The following TTLL7 variants were observed in gnomAD, a reference collection of about 807,000 sequenced individuals.
TTLL7 encodes tubulin tyrosine ligase like 7.
Under a neutral mutation model 120.2 loss-of-function variants are expected in TTLL7, and 53 were observed. The ratio of observed to expected loss-of-function variants is 0.44; its 90% CI spans 0.35 to 0.55. The LOEUF is 0.55. TTLL7 is among the 20% of genes least tolerant of loss of function. The pLI, the probability that TTLL7 is intolerant of heterozygous loss-of-function variation, is 0.00. For missense variants in TTLL7, 803 were observed against 1,054.7 expected (o/e 0.76, Z 3.31); for synonymous variants, 353 against 351.7 (o/e 1.00, Z -0.04).
chr1:83,892,667 T>C (rs1382228023), intron 18 of TTLL7, among the ~76,000 whole-genome samples: 5 of 147,534 alleles, frequency 3.4e-5, no homozygotes, highest in Admixed American at 2.0e-4. Context: ...AATGAACATA[T>C]ATATGAACAT....
At chr1:83,898,680 A>C (rs947703171) in intron 18 of TTLL7, among the ~76,000 whole-genome samples, 1 of 151,908 alleles carries the variant, frequency 6.6e-6, no homozygotes, top group African/African-American at 2.4e-5. Flanking sequence ...TTTACCTCTG[A>C]TTTTATCAGA....
Position 83,952,248 on chromosome 1 carries a change from T to A in TTLL7, c.-37A>T, listed in dbSNP as rs1479366646. 6.2e-7 allele frequency: 1 copy of A among 1,612,466 alleles called. No individual in the cohort carries two copies. The highest frequency in any genetic ancestry group is 8.5e-7 in the Non-Finnish European group (1 of 1,179,232). ...CTGATTAGCAAGCAGTGTGTGCTGC[T>A]GTACCAAGCTCTCAGGAAATCTGGA... On this transcript the variant is annotated 5_prime_UTR_variant, in exon 2 of 21. Transcript: ENST00000260505.
intron 10 of TTLL7, among the ~76,000 whole-genome samples, chr1:83,924,232 G>A (rs1180826511): frequency 6.6e-6 from 1 of 152,186 alleles, no homozygotes; most frequent in Non-Finnish European, 1.5e-5. Context: ...TATTTGAAAT[G>A]TGGGGGGAAG....
intron 10 of TTLL7, among the ~76,000 whole-genome samples, chr1:83,925,610 A>C (rs1659043341): frequency 6.6e-6 from 1 of 152,190 alleles, no homozygotes; most frequent in Non-Finnish European, 1.5e-5. Flanking sequence ...GATTCAGTCG[A>C]TTCATAATAA....
intron 1 of TTLL7, among the ~76,000 whole-genome samples, chr1:83,978,032 AT>A (rs1257845292): frequency 6.6e-6 from 1 of 152,088 alleles, no homozygotes; most frequent in Non-Finnish European, 1.5e-5. Flanking sequence ...TTTAATAAGA[AT>A]TTCTTTTAAT....
intron 18 of TTLL7, among the ~76,000 whole-genome samples, chr1:83,896,136 A>G (rs1321597151): frequency 1.3e-5 from 2 of 152,098 alleles, no homozygotes; most frequent in Non-Finnish European, 1.5e-5. Context: ...TGGAAGATGA[A>G]TAATTCGTGA....
At chr1:83,997,786 G>C (rs1236630878) in intron 1 of TTLL7, among the ~76,000 whole-genome samples, 1 of 152,172 alleles carries the variant, frequency 6.6e-6, no homozygotes, top group Admixed American at 6.5e-5. Context: ...AAGATTTCCA[G>C]AGTTCTTCTT....
intron 1 of TTLL7, among the ~76,000 whole-genome samples, chr1:83,973,153 GATC>G (rs1651148228): frequency 6.6e-6 from 1 of 151,962 alleles, no homozygotes; most frequent in Admixed American, 6.6e-5. Context: ...CCATACCCAA[GATC>G]ATCTAAGTTT....
chr1:83,961,639 T>A (rs180788847), intron 1 of TTLL7, among the ~76,000 whole-genome samples: 1 of 152,254 alleles, frequency 6.6e-6, no homozygotes. Flanking sequence ...AAATAACAGC[T>A]ATAACTCGGT....
At chr1:83,950,273 G>C (rs932482842) in intron 3 of TTLL7, among the ~76,000 whole-genome samples, 3 of 152,054 alleles carry the variant, frequency 2.0e-5, no homozygotes, top group Non-Finnish European at 4.4e-5. Context: ...TATGGCACAA[G>C]GAAAACACAC....
chr1:83,919,617 T>A, intron 13 of TTLL7, 82 bp downstream of exon 13: 1 of 1,271,770 alleles, frequency 7.9e-7, no homozygotes, highest in Non-Finnish European at 1.1e-6. Flanking sequence ...TGTTTTTATA[T>A]GTCGGACCAA....
At chr1:83,891,267 A>G (rs1221619236) in intron 18 of TTLL7, among the ~76,000 whole-genome samples, 1 of 152,110 alleles carries the variant, frequency 6.6e-6, no homozygotes. Flanking sequence ...TGTTTACCAA[A>G]ATTTTTAATA....
intron 8 of TTLL7, 77 bp downstream of exon 8, chr1:83,937,775 G>A: frequency 6.5e-7 from 1 of 1,547,424 alleles, no homozygotes. Context: ...AACTCTTAAT[G>A]AACTTTCATG....
At chr1:83,892,827 C>CATATATATGAACGCATATGTGAAA in intron 18 of TTLL7, among the ~76,000 whole-genome samples, 2 of 148,228 alleles carry the variant, frequency 1.3e-5, no homozygotes, top group Non-Finnish European at 1.5e-5. Flanking sequence ...CATATGTGAA[C>CATATATATGAACGCATATGTGAAA]ATATATATGA....
chr1:83,945,396 A>T (rs941703359), intron 6 of TTLL7, among the ~76,000 whole-genome samples: 1 of 152,244 alleles, frequency 6.6e-6, no homozygotes, highest in Non-Finnish European at 1.5e-5. Context: ...TTAAAAGTCA[A>T]TGCCTCAAAA....
intron 8 of TTLL7, among the ~76,000 whole-genome samples, chr1:83,937,182 C>A (rs1045583063): frequency 3.3e-5 from 5 of 151,336 alleles, no homozygotes; most frequent in Non-Finnish European, 5.9e-5. Context: ...GTATTACAAT[C>A]GCCTACACTA....
chr1:83,906,427 C>G lies in TTLL7; in HGVS notation c.2029G>C (p.Glu677Gln). Reference protein sequence around the residue: ...SLRQLKTKEQEDDLTSQTLFV... With the variant: ...SLRQLKTKEQQDDLTSQTLFV... ...AAGGTCTGACTTGTTAGATCATCTT[C>G]TTGTTCTTTTGTTTTCAGTTGCCGC... Residue 677 changes from glutamate to glutamine, a missense_variant, in exon 17 of 21, where the codon GAA becomes CAA. Glu to Gln is a conservative substitution (Grantham distance 29). Transcript: ENST00000260505. 6.2e-7 allele frequency: 1 copy of G among 1,612,114 alleles called. No homozygotes were observed. The highest frequency in any genetic ancestry group is 8.5e-7 in the Non-Finnish European group (1 of 1,178,898).
intron 14 of TTLL7, among the ~76,000 whole-genome samples, chr1:83,914,533 T>C (rs558934475): frequency 2.6e-5 from 4 of 152,100 alleles, no homozygotes; most frequent in Admixed American, 6.6e-5. Flanking sequence ...GGTTTCACCA[T>C]GTTGGCCAGG....
chr1:83,965,622 T>C (rs1422325265), intron 1 of TTLL7, among the ~76,000 whole-genome samples: 3 of 152,152 alleles, frequency 2.0e-5, no homozygotes, highest in Non-Finnish European at 4.4e-5. Context: ...TTTGCCTTAT[T>C]TGATTATTTA....
Sources: gnomAD v4.1 joint callset for allele counts (sites outside exome capture counted in the v4.1 genomes callset) on GRCh38, gnomAD v4.1.1 for gene constraint, MANE v1.5 for transcripts, NCBI Gene and HGNC (gene_info 2026-07-23, HGNC 2026-07-21) for gene names.